Variants in OS9 observed in about 807,000 individuals in gnomAD.
OS9 encodes protein OS-9.
Under a neutral mutation model 84.7 loss-of-function variants are expected in OS9, and 58 were observed. The ratio of observed to expected loss-of-function variants is 0.68; its 90% confidence interval spans 0.55 to 0.85. The LOEUF is 0.85. Among genes scored for constraint, OS9 ranks in the 40% least tolerant of loss-of-function variants. The pLI, the probability that OS9 is intolerant of heterozygous loss-of-function variation, is 0.00. For synonymous variants in OS9, 278 were observed against 320.8 expected, an observed-to-expected ratio of 0.87 and a Z score of 1.43; for missense variants, 760 against 850.9, an observed-to-expected ratio of 0.89 and a Z score of 1.33.
At chr12:57,706,499 G>A (rs746996866) in intron 5 of OS9, among the ~76,000 whole-genome samples, 1 of 151,972 alleles carries the variant, frequency 6.6e-6, no homozygotes, top group Non-Finnish European at 1.5e-5. Flanking sequence ...AATATCTTGA[G>A]GAGCTTCCCT....
At chr12:57,698,931 T>C (rs1035870199) in intron 5 of OS9, among the ~76,000 whole-genome samples, 12 of 152,122 alleles carry the variant, frequency 7.9e-5, no homozygotes, top group African/African-American at 2.9e-4. Flanking sequence ...AGGTTTGGAA[T>C]TGAAGGCCCA....
intron 5 of OS9, among the ~76,000 whole-genome samples, chr12:57,700,396 A>G (rs1953985903): frequency 6.6e-6 from 1 of 151,764 alleles, no homozygotes; most frequent in Admixed American, 6.6e-5. Flanking sequence ...AGGAAGGTCT[A>G]GGGTCGTAAC....
intron 5 of OS9, among the ~76,000 whole-genome samples, chr12:57,710,308 C>T (rs778673605): frequency 2.0e-5 from 3 of 152,140 alleles, no homozygotes; most frequent in Non-Finnish European, 2.9e-5. Flanking sequence ...TTGTATTCTT[C>T]TATCTTTTTA....
intron 5 of OS9, among the ~76,000 whole-genome samples, chr12:57,698,035 A>C (rs1194044214): frequency 6.6e-6 from 1 of 151,758 alleles, no homozygotes; most frequent in African/African-American, 2.4e-5. Context: ...CATTACTTGA[A>C]ATTATTGTAT....
intron 5 of OS9, among the ~76,000 whole-genome samples, chr12:57,708,649 T>C (rs7956474): frequency 9.2e-5 from 14 of 152,106 alleles, no homozygotes; most frequent in Non-Finnish European, 1.6e-4. Flanking sequence ...AAGTCATCCT[T>C]ATTCCTGCAT....
At chr12:57,701,638 T>C (rs1347685878) in intron 5 of OS9, among the ~76,000 whole-genome samples, 1 of 152,164 alleles carries the variant, frequency 6.6e-6, no homozygotes, top group Non-Finnish European at 1.5e-5. Flanking sequence ...CCTCTGTTGA[T>C]AAACAGTTGG....
rs193074881 is a variant in OS9 at position 57,719,202 on chromosome 12, A to G, written c.1600+20A>G. 5 of 1,606,504 alleles carry G rather than the reference A, an allele frequency of 3.1e-6. No homozygotes were observed. In the East Asian group the frequency reaches 8.9e-5, roughly 29 times the overall value. ...CTACAGGTGAGAGCAGTCAGACAAG[A>G]AAGAGTAGCCCAGTCTGTTGTTTTC... On this transcript the variant is annotated intron_variant, in intron 12 of 14. Coordinates refer to ENST00000315970, the MANE Select transcript of OS9 (RefSeq NM_006812.4).
At chr12:57,714,919 A>G (rs1467509822) in intron 5 of OS9, among the ~76,000 whole-genome samples, 1 of 152,232 alleles carries the variant, frequency 6.6e-6, no homozygotes, top group African/African-American at 2.4e-5. Context: ...TATTTTAGAA[A>G]TTAGAATATT....
At chr12:57,697,269 C>A (rs749500275) in intron 5 of OS9, among the ~76,000 whole-genome samples, 6 of 152,176 alleles carry the variant, frequency 3.9e-5, no homozygotes, top group Non-Finnish European at 7.4e-5. Flanking sequence ...CCAAAACTTA[C>A]CAGTTGGCTC....
At position 57,720,532 on chromosome 12, in the gene OS9, A is replaced by G; in HGVS notation, c.1878+14A>G. ...TTCAATATCTTGGTAAGAGGCTTCTACCCCCGAGTCCTGGCCCCCAGCCCT... is the reference window on the plus strand; with the variant it reads ...TTCAATATCTTGGTAAGAGGCTTCTGCCCCCGAGTCCTGGCCCCCAGCCCT... On this transcript the variant is annotated intron_variant, in intron 14 of 14. Coordinates refer to ENST00000315970, the MANE Select transcript of OS9 (RefSeq NM_006812.4). The G allele has an allele frequency of 6.4e-7, 1 of 1,569,116 alleles. No individual in the cohort carries two copies. The highest frequency in any genetic ancestry group is 8.8e-7 in the Non-Finnish European group (1 of 1,138,990).
intron 5 of OS9, among the ~76,000 whole-genome samples, chr12:57,711,732 C>A (rs1954340987): frequency 6.6e-6 from 1 of 152,184 alleles, no homozygotes; most frequent in Non-Finnish European, 1.5e-5. Flanking sequence ...AGTTCCACCC[C>A]CAATTCTTTT....
intron 5 of OS9, among the ~76,000 whole-genome samples, chr12:57,702,646 C>G (rs946550408): frequency 4.6e-5 from 7 of 152,200 alleles, no homozygotes; most frequent in African/African-American, 1.7e-4. Flanking sequence ...GAGGAACTGC[C>G]AAACTGTTTT....
chr12:57,715,965 A>C lies in OS9; in HGVS notation c.785A>C (p.Gln262Pro). 6.2e-7 allele frequency: 1 copy of C among 1,611,464 alleles called. No homozygotes were observed. Among genetic ancestry groups the C allele is most frequent in the Non-Finnish European group, 8.5e-7 (1 of 1,178,380 alleles). The stretch of plus-strand genomic sequence containing the variant: ...GAGTACATGGCCTACGTTCAGAGGC[A>C]AGCCGGTGAGTAATTAGAGAAGGAG... ...PEEYMAYVQR[Q>P]ADSKQYGDKI... Residue 262 changes from glutamine to proline, a missense_variant, in exon 6 of 15, where the codon CAA becomes CCA. Physicochemically the swap from Gln to Pro is moderately conservative, Grantham distance 76 (BLOSUM62 -1). Coordinates refer to ENST00000315970, the MANE Select transcript of OS9 (RefSeq NM_006812.4).
At chr12:57,707,465 G>A (rs1209692626) in intron 5 of OS9, among the ~76,000 whole-genome samples, 1 of 152,240 alleles carries the variant, frequency 6.6e-6, no homozygotes, top group African/African-American at 2.4e-5. Flanking sequence ...GAGCAAAAGA[G>A]AGAGGGGGGA....
intron 11 of OS9, 125 bp from the exon 12 acceptor site, chr12:57,718,868 G>A: frequency 1.4e-6 from 1 of 718,482 alleles, no homozygotes; most frequent in Non-Finnish European, 2.4e-6. Flanking sequence ...CGGCACCACT[G>A]TACTCCAGCC....
intron 5 of OS9, among the ~76,000 whole-genome samples, chr12:57,707,906 C>T (rs2140312288): frequency 6.6e-6 from 1 of 150,450 alleles, no homozygotes; most frequent in African/African-American, 2.4e-5. Context: ...GCCTAGGCAA[C>T]ACAGTGAGAC....
rs959013592 is a variant in OS9 at position 57,694,201 on chromosome 12, C to T, written c.40C>T (p.Leu14=). Residue 14 remains leucine, a synonymous_variant, in exon 1 of 15, where the codon CTG becomes TTG. Coordinates refer to ENST00000315970, the MANE Select transcript of OS9 (RefSeq NM_006812.4). ...GCTGCTGTCCAGTTTGTTAGGACTG[C>T]TGCTTCTGGGACTCCTGTTACCCGC... ...ETLLSSLLGL[L]LLGLLLPASL... The T allele has an allele frequency of 1.9e-6, 3 of 1,614,090 alleles. No individual in the cohort carries two copies. Among genetic ancestry groups the T allele is most frequent in the African/African-American group, 1.3e-5 (1 of 74,930 alleles).
At chr12:57,697,311 G>T (rs1219174718) in intron 5 of OS9, among the ~76,000 whole-genome samples, 1 of 152,224 alleles carries the variant, frequency 6.6e-6, no homozygotes, top group African/African-American at 2.4e-5. Flanking sequence ...TCACTTCTCT[G>T]TTCAGTCCTG....
intron 10 of OS9, 36 bp downstream of exon 10, chr12:57,717,994 C>T (rs766447235): frequency 3.2e-6 from 5 of 1,564,246 alleles, no homozygotes; most frequent in Non-Finnish European, 8.7e-7. Context: ...TAGAACCCAC[C>T]TCCCAACTGC....
Sources: gnomAD v4.1 joint callset for allele counts (sites outside exome capture counted in the v4.1 genomes callset) on GRCh38, gnomAD v4.1.1 for gene constraint, MANE v1.5 for transcripts, NCBI Gene and HGNC (gene_info 2026-07-23, HGNC 2026-07-21) for gene names.